Variants in DNAH2 observed in about 807,000 individuals in gnomAD.
DNAH2 encodes dynein axonemal heavy chain 2.
DNAH2 carries 323 observed loss-of-function variants against 523.5 expected under a neutral mutation model. That is an observed-to-expected ratio of 0.62 (90% CI 0.56 to 0.68). DNAH2 has a LOEUF of 0.68. Ranked by LOEUF, DNAH2 falls within the 30% of genes least tolerant of loss-of-function variation. DNAH2 has a pLI of 0.00. For missense variants in DNAH2, 4,907 were observed against 5,701.5 expected (o/e 0.86, Z 4.49); for synonymous variants, 2,093 against 2,177.4 (o/e 0.96, Z 1.08).
chr17:7,805,237 C>T lies in DNAH2; in HGVS notation c.9301-15C>T, dbSNP rs2151300075. 6.2e-7 allele frequency: 1 copy of T among 1,613,862 alleles called. No homozygotes were observed. The highest frequency in any genetic ancestry group is 2.2e-5 in the East Asian group (1 of 44,872). On this transcript the variant is annotated splice_polypyrimidine_tract_variant and intron_variant, in intron 60 of 85. Coordinates refer to ENST00000572933, the MANE Select transcript of DNAH2 (RefSeq NM_020877.5). ...AGGTCCTGTCTTACCCTCACTTTATCCCCTTTTCCCCCAGGCCCTGGAGTC... is the reference window on the plus strand; with the variant it reads ...AGGTCCTGTCTTACCCTCACTTTATTCCCTTTTCCCCCAGGCCCTGGAGTC...
At position 7,786,678 on chromosome 17, in the gene DNAH2, G is replaced by A. The variant is rs1567696446; in HGVS notation, c.6457G>A (p.Ala2153Thr). The A allele has an allele frequency of 3.1e-6, 5 of 1,613,868 alleles. No homozygotes were observed. Residue 2153 changes from alanine (A) to threonine (T), a missense_variant, in exon 41 of 86, where the codon GCA becomes ACA. Coordinates refer to ENST00000572933, the MANE Select transcript of DNAH2 (RefSeq NM_020877.5). The surrounding 1 kb of genome is among the most constrained non-coding windows in gnomAD (Gnocchi z 7.5). ...CATCTTGTCCAGTGTCATGCGGACG[G>A]CATGTGCAGGTATCCAGAGGATCGT... Reference protein sequence around the residue: ...DGILSSVMRTACADEKPDEKW... With the variant: ...DGILSSVMRTTCADEKPDEKW...
chr17:7,789,179 A>G (rs2076828274), intron 44 of DNAH2, among the ~76,000 whole-genome samples: 2 of 152,182 alleles, frequency 1.3e-5, no homozygotes, highest in African/African-American at 4.8e-5. Context: ...AAACAAAAAC[A>G]AAAACAAAAA....
Position 7,817,589 on chromosome 17 carries a change from C to A in DNAH2, c.10049C>A (p.Pro3350His), listed in dbSNP as rs146755316. 5.0e-6 allele frequency: 8 copies of A among 1,614,068 alleles called. No individual in the cohort carries two copies. The African/African-American group carries it at 9.3e-5, about 19-fold the overall frequency. Residue 3350 changes from proline to histidine, a missense_variant, in exon 66 of 86, where the codon CCT (proline) becomes CAT (histidine). Around this residue, in one of 3 missense-constraint regions of DNAH2, gnomAD observed 1,851 missense variants for 2,139.4 expected, o/e 0.87. Coordinates refer to ENST00000572933, the MANE Select transcript of DNAH2 (RefSeq NM_020877.5). ...TGGGAGCTTCAGGTTCCTTGCTCCC[C>A]TTCTTTCGCCATCGATAACTTCCTG... Reference protein sequence around the residue: ...KIWELQVPCSPSFAIDNFLCN... With the variant: ...KIWELQVPCSHSFAIDNFLCN...
intron 33 of DNAH2, 119 bp from the exon 34 acceptor site, chr17:7,777,958 A>C: frequency 1.1e-6 from 1 of 931,556 alleles, no homozygotes; most frequent in Non-Finnish European, 1.6e-6. Flanking sequence ...CTAAAAGGGA[A>C]CCCCTGATCC....
chr17:7,739,787 C>T lies in DNAH2; in HGVS notation c.1225C>T (p.Leu409Phe). The change falls in exon 9 of 86, where the codon CTT becomes TTT. Residue 409 changes from leucine (L) to phenylalanine (F), a missense_variant. Transcript: ENST00000572933. Reference protein sequence around the residue: ...ARWEDGKQGPLPCFFGAQGPQ... With the variant: ...ARWEDGKQGPFPCFFGAQGPQ... ...CTGGGAAGATGGCAAGCAGGGTCCC[C>T]TTCCTTGCTTCTTTGGTGCCCAGGG... The T allele has an allele frequency of 6.2e-7, 1 of 1,613,928 alleles. No homozygotes were observed. The highest frequency in any genetic ancestry group is 8.5e-7 in the Non-Finnish European group (1 of 1,180,000).
chr17:7,786,299 C>G lies in DNAH2; in HGVS notation c.6305C>G (p.Ser2102Cys), dbSNP rs2076731999. 1.2e-6 allele frequency: 2 copies of G among 1,613,774 alleles called. No individual in the cohort carries two copies. The highest frequency in any genetic ancestry group is 1.7e-5 in the Admixed American group (1 of 60,000). The part of the protein sequence containing the change: ...ASWRILQASL[S>C]SLCRAGDPNF... ...TGGCGCATTCTACAGGCCTCCCTGT[C>G]CTCTCTGTGCCGCGCCGGAGACCCT... Residue 2102 changes from serine to cysteine, a missense_variant, in exon 40 of 86, where the codon TCC becomes TGC. This residue lies in a region of DNAH2 where 2,806 missense variants were observed against 3,190.8 expected (regional missense o/e 0.88). Transcript: ENST00000572933. The surrounding 1 kb of genome is among the most constrained non-coding windows in gnomAD (Gnocchi z 7.5).
Position 7,758,960 on chromosome 17 carries a change from C to T in DNAH2, c.2284C>T (p.Leu762=), listed in dbSNP as rs1385438653. The change falls in exon 15 of 86, where the codon CTG becomes TTG. Residue 762 remains leucine, a synonymous_variant. Transcript: ENST00000572933. ...GCGAGCCCAAGAGATGTCAGAGAAGCTGCTGGTACGCATTAGTGGCAAACG... is the reference window on the plus strand; with the variant it reads ...GCGAGCCCAAGAGATGTCAGAGAAGTTGCTGGTACGCATTAGTGGCAAACG... ...GWRAQEMSEK[L]LVRISGKRVY... 2.5e-6 allele frequency: 4 copies of T among 1,614,170 alleles called. No individual in the cohort carries two copies.
In DNAH2 at chr17:7,733,475, C is replaced by CTTTTTTTTTTTTTTTT. The variant is rs1199721840; in HGVS notation, c.628+165_628+180dup. Reference sequence around the variant, plus strand: ...AGGGTACAAGATCCGCCTTCTTCTTCTTTTTTTTTTTTTTTTTTTTGAGAT... The same window carrying CTTTTTTTTTTTTTTTT: ...AGGGTACAAGATCCGCCTTCTTCTTCTTTTTTTTTTTTTTTTTTTTTTTTTTTTTTTTTTTTGAGAT... On this transcript the variant is annotated intron_variant, in intron 5 of 85. Coordinates refer to ENST00000572933, the MANE Select transcript of DNAH2 (RefSeq NM_020877.5). 2.5e-4 allele frequency among the ~76,000 whole-genome samples: 28 copies of CTTTTTTTTTTTTTTTT among 113,862 alleles called. 1 individual carries two copies. Among genetic ancestry groups the CTTTTTTTTTTTTTTTT allele is most frequent in the African/African-American group, 7.1e-4 (22 of 30,910 alleles). 74.7% of individuals were successfully genotyped at this position (113,862 alleles called of 152,430 possible). A position where few individuals can be genotyped will look rare whatever the true frequency, so the allele number is the denominator to read the frequency against.
In DNAH2 at chr17:7,770,936, C is replaced by T; in HGVS notation, c.4362+3C>T. 15 of 1,612,626 alleles carry T rather than the reference C, an allele frequency of 9.3e-6. No homozygotes were observed. The highest frequency in any genetic ancestry group is 1.3e-5 in the Non-Finnish European group (15 of 1,179,596). On this transcript the variant is annotated splice_donor_region_variant and intron_variant, in intron 27 of 85. Coordinates refer to ENST00000572933, the MANE Select transcript of DNAH2 (RefSeq NM_020877.5). ...AGCGTCAGTGGATGTACTTAGAGGT[C>T]AGGACTCAGCGCCTGAGCTCTTCCT...
intron 13 of DNAH2, among the ~76,000 whole-genome samples, 193 bp from the exon 14 acceptor site, chr17:7,758,301 CA>C (rs1485668888): frequency 6.6e-6 from 1 of 152,168 alleles, no homozygotes; most frequent in Non-Finnish European, 1.5e-5. Flanking sequence ...ACTTAAATGG[CA>C]ATCACTTTTG....
chr17:7,818,375 A>G lies in DNAH2; in HGVS notation c.10451A>G (p.Tyr3484Cys). 6.2e-7 allele frequency: 1 copy of G among 1,614,194 alleles called. No individual in the cohort carries two copies. Among genetic ancestry groups the G allele is most frequent in the Non-Finnish European group, 8.5e-7 (1 of 1,180,034 alleles). The part of the protein sequence containing the change: ...EVEYNTNFRF[Y>C]ITTKLSNPHY... The stretch of plus-strand genomic sequence containing the variant: ...GAATATAATACCAATTTCCGTTTCT[A>G]CATCACCACCAAGCTCTCCAACCCC... Residue 3484 changes from tyrosine (Y) to cysteine (C), a missense_variant, in exon 69 of 86, where the codon TAC (tyrosine) becomes TGC (cysteine). By Grantham distance (194) the Tyr-to-Cys change is radical. This residue lies in a region of DNAH2 where 1,851 missense variants were observed against 2,139.4 expected (regional missense o/e 0.87). Coordinates refer to ENST00000572933, the MANE Select transcript of DNAH2 (RefSeq NM_020877.5).
In DNAH2 at chr17:7,796,209, C is replaced by T. The variant is rs1006927128; in HGVS notation, c.7675-255C>T. The stretch of plus-strand genomic sequence containing the variant: ...GATTAGAGGCATGTGCCACCACGCC[C>T]GGCTAATTTTATATTTTTTAGTAAA... On this transcript the variant is annotated intron_variant, in intron 49 of 85. Coordinates refer to ENST00000572933, the MANE Select transcript of DNAH2 (RefSeq NM_020877.5). 1.3e-4 allele frequency among the ~76,000 whole-genome samples: 20 copies of T among 151,832 alleles called. No individual in the cohort carries two copies. The East Asian group carries it at 2.0e-3, about 15-fold the overall frequency.
rs2078071528 is a variant in DNAH2 at position 7,828,116 on chromosome 17, A to G, written c.11854-2184A>G. ...TGTTTTTTTGTAGAGACTGGATTTC[A>G]CCATGTTGGCCAGGCTGGTCTTGGA... On this transcript the variant is annotated intron_variant, in intron 77 of 85. Coordinates refer to ENST00000572933, the MANE Select transcript of DNAH2 (RefSeq NM_020877.5). The surrounding 1 kb of genome is among the most constrained non-coding windows in gnomAD (Gnocchi z 4.1). Among the ~76,000 whole-genome samples the G allele has an allele frequency of 6.6e-6, 1 of 151,798 alleles. No individual in the cohort carries two copies. Among genetic ancestry groups the G allele is most frequent in the Admixed American group, 6.6e-5 (1 of 15,228 alleles).
chr17:7,804,868 G>C (rs1457371577), intron 59 of DNAH2, 90 bp from the exon 60 acceptor site: 5 of 1,172,508 alleles, frequency 4.3e-6, no homozygotes, highest in Admixed American at 2.2e-5. Context: ...AAATTCTTTA[G>C]CTTTCTCTTT....
intron 36 of DNAH2, among the ~76,000 whole-genome samples, chr17:7,779,763 T>C (rs907793093): frequency 6.6e-6 from 1 of 152,140 alleles, no homozygotes; most frequent in African/African-American, 2.4e-5. Flanking sequence ...CTCATTACTG[T>C]TTCCTAGGAA....
At chr17:7,805,120 CG>C in intron 60 of DNAH2, 46 bp downstream of exon 60, 2 of 1,600,348 alleles carry the variant, frequency 1.2e-6, no homozygotes, top group Non-Finnish European at 8.6e-7. Context: ...CGCGAGGCCC[CG>C]GGGAAGGGAA....
rs1567696160 is a variant in DNAH2, at chr17:7,786,551, C to CT, written c.6349-17dup. On this transcript the variant is annotated intron_variant, in intron 40 of 85. Coordinates refer to ENST00000572933, the MANE Select transcript of DNAH2 (RefSeq NM_020877.5). This position sits in a 1 kb window ranked among gnomAD's most constrained non-coding sequence, Gnocchi z 7.5. ...TTTTGTCCATCAGCAGCTAAAACCC[C>CT]TTCCGGTGTCATTTTCAGGAGTTCC... is the stretch of plus-strand genomic sequence containing the variant. 2 of 1,609,482 alleles carry CT rather than the reference C, an allele frequency of 1.2e-6. No individual in the cohort carries two copies. The highest frequency in any genetic ancestry group is 2.2e-5 in the South Asian group (2 of 90,938).
intron 32 of DNAH2, 58 bp downstream of exon 32, chr17:7,776,947 G>A: frequency 7.0e-7 from 1 of 1,432,290 alleles, no homozygotes; most frequent in African/African-American, 1.4e-5. Flanking sequence ...GGAGGCAGAG[G>A]TGGTAGGAGC....
rs376543209 is a variant in DNAH2, at chr17:7,832,554, G to C, written c.12727-25G>C. 1.9e-5 allele frequency: 31 copies of C among 1,609,148 alleles called. No individual in the cohort carries two copies. Among genetic ancestry groups the C allele is most frequent in the Non-Finnish European group, 2.5e-5 (30 of 1,177,760 alleles). ...GATTTGAATGCACGGCTAAATGAGT[G>C]AATACACACGCACTCCTTCCCCAGG... is the stretch of plus-strand genomic sequence containing the variant. On this transcript the variant is annotated intron_variant, in intron 82 of 85. Transcript: ENST00000572933. This position sits in a 1 kb window ranked among gnomAD's most constrained non-coding sequence, Gnocchi z 4.3.
Sources: allele counts gnomAD v4.1 joint callset (sites outside exome capture counted in the v4.1 genomes callset), GRCh38; gene constraint gnomAD v4.1.1; regional missense constraint gnomAD v4.1.1; non-coding constraint Gnocchi (gnomAD v3.1); transcripts MANE v1.5; gene names NCBI Gene and HGNC (gene_info 2026-07-23, HGNC 2026-07-21).